TMEM132B: variants seen among roughly 807,000 people sequenced by gnomAD.
The protein encoded by TMEM132B is transmembrane protein 132B.
TMEM132B carries 18 observed loss-of-function variants against 90.8 expected under a neutral mutation model. The observed-to-expected ratio is 0.20, with a 90% CI of 0.14 to 0.29. TMEM132B has a LOEUF of 0.29. Among genes scored for constraint, TMEM132B ranks in the 10% least tolerant of loss-of-function variants. TMEM132B has a pLI of 1.00. For missense variants in TMEM132B, 1,096 were observed against 1,326.8 expected (o/e 0.83, Z 2.70); for synonymous variants, 504 against 523.3 (o/e 0.96, Z 0.50).
At chr12:125,652,724 A>G in intron 8 of TMEM132B, 92 bp downstream of exon 8, 2 of 1,399,436 alleles carry the variant, frequency 1.4e-6, no homozygotes, top group Non-Finnish European at 1.9e-6. Context: ...GAGAGCCCTC[A>G]CGCCTAGGAC....
At chr12:125,536,939 C>T (rs767883686) in intron 4 of TMEM132B, among the ~76,000 whole-genome samples, 5 of 151,874 alleles carry the variant, frequency 3.3e-5, no homozygotes, top group Admixed American at 6.6e-5. Flanking sequence ...ATTATCAATA[C>T]GAGCCTTACT....
intron 4 of TMEM132B, among the ~76,000 whole-genome samples, chr12:125,569,896 G>A (rs1266464238): frequency 6.6e-6 from 1 of 152,030 alleles, no homozygotes; most frequent in Non-Finnish European, 1.5e-5. Flanking sequence ...TACAGAAAGG[G>A]CTCATTGGTT....
intron 1 of TMEM132B, among the ~76,000 whole-genome samples, chr12:125,307,975 G>C (rs1221675933): frequency 7.6e-6 from 1 of 131,892 alleles, no homozygotes; most frequent in Non-Finnish European, 1.5e-5. Context: ...AGTAATATAA[G>C]TATATTAAGT....
chr12:125,353,288 A>G (rs1211470274), intron 2 of TMEM132B, among the ~76,000 whole-genome samples: 1 of 152,212 alleles, frequency 6.6e-6, no homozygotes, highest in African/African-American at 2.4e-5. Context: ...TCCCTCTGCC[A>G]TGGAGGACAT....
rs185017030 is a variant in TMEM132B at position 125,229,958 on chromosome 12, A to G, written c.67+43092A>G. On this transcript the variant is annotated intron_variant, in intron 1 of 8. Coordinates refer to ENST00000682704, the MANE Select transcript of TMEM132B (RefSeq NM_001366854.1). Reference sequence around the variant, plus strand: ...TCCAGAACCACTTATTATTGTGCTCAGGAGGATAGAAAATGCCGGGGCAGG... The same window carrying G: ...TCCAGAACCACTTATTATTGTGCTCGGGAGGATAGAAAATGCCGGGGCAGG... Among the ~76,000 whole-genome samples the G allele has an allele frequency of 3.3e-5, 5 of 152,340 alleles. No homozygotes were observed. In the East Asian group the frequency reaches 9.6e-4, roughly 29 times the overall value.
chr12:125,583,989 A>T lies in TMEM132B; in HGVS notation c.1432A>T (p.Ile478Phe). 6.2e-7 allele frequency: 1 copy of T among 1,614,152 alleles called. No homozygotes were observed. The highest frequency in any genetic ancestry group is 8.5e-7 in the Non-Finnish European group (1 of 1,180,014). ...VECKSADEDV[I>F]KVSNNCDSIF... is the part of the protein sequence containing the mutation. ...ATGCAAGTCTGCCGATGAAGATGTC[A>T]TTAAGGTAAGGGGGGATTTATCTAC... is the stretch of plus-strand genomic sequence containing the variant. The change falls in exon 5 of 9, where the codon ATT becomes TTT. Residue 478 changes from isoleucine to phenylalanine, a missense_variant. Transcript: ENST00000682704.
chr12:125,266,253 A>T (rs7309673), intron 1 of TMEM132B, among the ~76,000 whole-genome samples: 42,404 of 152,080 alleles, frequency 0.28, 6,266 homozygotes, highest in Admixed American at 0.4. Context: ...TAAAAAATTA[A>T]ACCCCAGACA....
chr12:125,319,693 T>C (rs1876375389), intron 1 of TMEM132B, among the ~76,000 whole-genome samples: 2 of 152,114 alleles, frequency 1.3e-5, no homozygotes, highest in Non-Finnish European at 2.9e-5. Context: ...ACTGAAGGGT[T>C]CAATTATCAC....
At chr12:125,292,244 T>C (rs904568976) in intron 1 of TMEM132B, among the ~76,000 whole-genome samples, 3 of 152,234 alleles carry the variant, frequency 2.0e-5, no homozygotes, top group Non-Finnish European at 4.4e-5. Context: ...CATATATAAT[T>C]TGTTGCTTAG....
chr12:125,464,812 G>C (rs181855485), intron 3 of TMEM132B, among the ~76,000 whole-genome samples: 5 of 152,302 alleles, frequency 3.3e-5, no homozygotes, highest in Admixed American at 3.3e-4. Flanking sequence ...GCTCAAATTA[G>C]CAATCAGCAT....
At chr12:125,600,077 G>A (rs1885536138) in intron 5 of TMEM132B, among the ~76,000 whole-genome samples, 2 of 152,036 alleles carry the variant, frequency 1.3e-5, no homozygotes, top group Admixed American at 1.3e-4. Flanking sequence ...CATCATTGGA[G>A]GATTTTATTT....
At chr12:125,627,934 C>T (rs901059644) in intron 5 of TMEM132B, among the ~76,000 whole-genome samples, 1 of 152,148 alleles carries the variant, frequency 6.6e-6, no homozygotes, top group Non-Finnish European at 1.5e-5. Context: ...CTGTGCCTAG[C>T]TTATTCACTT....
intron 1 of TMEM132B, among the ~76,000 whole-genome samples, chr12:125,295,515 T>TGTGAGAGAGAGA (rs531489519): frequency 2.2e-4 from 31 of 142,432 alleles, no homozygotes; most frequent in African/African-American, 7.8e-4. Context: ...TGTGTGTGTG[T>TGTGAGAGAGAGA]GAGAGAGAGA....
intron 2 of TMEM132B, among the ~76,000 whole-genome samples, chr12:125,412,868 G>A (rs993331644): frequency 1.3e-5 from 2 of 152,006 alleles, no homozygotes; most frequent in Non-Finnish European, 2.9e-5. Context: ...ACATCATGAC[G>A]GCAAGAAAGA....
chr12:125,551,028 G>A (rs1884216227), intron 4 of TMEM132B, among the ~76,000 whole-genome samples: 1 of 152,224 alleles, frequency 6.6e-6, no homozygotes, highest in Admixed American at 6.5e-5. Context: ...GGCCAGGCTG[G>A]TCTTAAACTC....
At chr12:125,488,772 G>T (rs1273295751) in intron 3 of TMEM132B, among the ~76,000 whole-genome samples, 2 of 152,188 alleles carry the variant, frequency 1.3e-5, no homozygotes, top group Non-Finnish European at 2.9e-5. Context: ...AGCTGGGCTG[G>T]GAAGGTTTTT....
At chr12:125,617,476 G>A (rs1234776851) in intron 5 of TMEM132B, among the ~76,000 whole-genome samples, 1 of 151,778 alleles carries the variant, frequency 6.6e-6, no homozygotes, top group Non-Finnish European at 1.5e-5. Context: ...CTCCCAAGTA[G>A]CTGGGATTAC....
At chr12:125,454,392 TTGTGTGTG>T (rs749400783) in intron 3 of TMEM132B, among the ~76,000 whole-genome samples, 6 of 112,080 alleles carry the variant, frequency 5.4e-5, no homozygotes, top group East Asian at 6.7e-4. Context: ...GTGTGTGTGT[TTGTGTGTG>T]TGTGTGTGTG....
chr12:125,252,747 C>T (rs890845083), intron 1 of TMEM132B, among the ~76,000 whole-genome samples: 1 of 152,192 alleles, frequency 6.6e-6, no homozygotes, highest in Non-Finnish European at 1.5e-5. Flanking sequence ...GGATGACTGT[C>T]TCCCCTGAGG....
Sources: gnomAD v4.1 joint callset for allele counts (sites outside exome capture counted in the v4.1 genomes callset) on GRCh38, gnomAD v4.1.1 for gene constraint, MANE v1.5 for transcripts, NCBI Gene and HGNC (gene_info 2026-07-23, HGNC 2026-07-21) for gene names.